CPED1: variants seen among roughly 807,000 people sequenced by gnomAD.
CPED1 encodes cadherin like and PC-esterase domain containing 1, also known as cadherin-like and PC-esterase domain-containing protein 1.
Under a neutral mutation model 128.2 loss-of-function variants are expected in CPED1, and 114 were observed. The observed-to-expected ratio is 0.89, with a 90% CI of 0.76 to 1.04. The LOEUF is 1.04. CPED1 is among the 50% of genes least tolerant of loss of function. The pLI is 0.00. For synonymous variants in CPED1, 462 were observed against 426.7 expected, an observed-to-expected ratio of 1.08 and a Z score of -1.02; for missense variants, 1,211 against 1,207.1, an observed-to-expected ratio of 1.00 and a Z score of -0.05.
At chr7:121,126,352 AG>A (rs758183678) in intron 9 of CPED1, among the ~76,000 whole-genome samples, 1 of 152,126 alleles carries the variant, frequency 6.6e-6, no homozygotes, top group Non-Finnish European at 1.5e-5. Flanking sequence ...AGATATGTGT[AG>A]AGTGAAGTGT....
intron 16 of CPED1, among the ~76,000 whole-genome samples, chr7:121,187,403 CAAA>C (rs1283071782): frequency 6.6e-6 from 1 of 151,940 alleles, no homozygotes; most frequent in East Asian, 1.9e-4. Context: ...AAAACAAAAA[CAAA>C]AACAAAACAG....
At chr7:121,040,041 G>T (rs1793009670) in intron 3 of CPED1, among the ~76,000 whole-genome samples, 1 of 152,022 alleles carries the variant, frequency 6.6e-6, no homozygotes, top group Non-Finnish European at 1.5e-5. Flanking sequence ...CTGATCCCTA[G>T]TATGGGTTTA....
At chr7:121,038,919 G>A (rs981425301) in intron 3 of CPED1, among the ~76,000 whole-genome samples, 4 of 152,034 alleles carry the variant, frequency 2.6e-5, no homozygotes, top group African/African-American at 9.7e-5. Flanking sequence ...TCAAGAGTTT[G>A]TACTACCCAC....
At chr7:121,071,677 G>A (rs1461587278) in intron 5 of CPED1, among the ~76,000 whole-genome samples, 1 of 151,930 alleles carries the variant, frequency 6.6e-6, no homozygotes, top group African/African-American at 2.4e-5. Flanking sequence ...CACCATGCCT[G>A]GCTCATCCAA....
intron 4 of CPED1, among the ~76,000 whole-genome samples, chr7:121,063,381 GAA>G (rs368502123): frequency 4.3e-4 from 29 of 67,040 alleles, no homozygotes; most frequent in African/African-American, 1.7e-3. Context: ...TGAAGAAACT[GAA>G]AAAAAAAAAA....
At chr7:121,123,772 G>A (rs906953507) in intron 7 of CPED1, among the ~76,000 whole-genome samples, 1 of 152,096 alleles carries the variant, frequency 6.6e-6, no homozygotes, top group African/African-American at 2.4e-5. Flanking sequence ...AGTCTTCTCT[G>A]GTTGGCTAGA....
chr7:121,253,993 TAGAC>T (rs1021147002), intron 18 of CPED1, among the ~76,000 whole-genome samples: 3 of 152,004 alleles, frequency 2.0e-5, no homozygotes, highest in African/African-American at 7.2e-5. Context: ...CTGACAGCAT[TAGAC>T]AGACCTTCAA....
At chr7:121,099,798 A>T in intron 6 of CPED1, 128 bp from the exon 7 acceptor site, 1 of 904,442 alleles carries the variant, frequency 1.1e-6, no homozygotes, top group Non-Finnish European at 1.6e-6. Flanking sequence ...TTGTTCAAGG[A>T]AACCCACACA....
At chr7:121,216,002 C>T (rs1235387328) in intron 16 of CPED1, among the ~76,000 whole-genome samples, 1 of 151,972 alleles carries the variant, frequency 6.6e-6, no homozygotes, top group Non-Finnish European at 1.5e-5. Flanking sequence ...AGAGACTAAG[C>T]AACTTGCCCA....
intron 7 of CPED1, among the ~76,000 whole-genome samples, chr7:121,111,747 T>C (rs957886825): frequency 6.6e-6 from 1 of 152,122 alleles, no homozygotes; most frequent in African/African-American, 2.4e-5. Context: ...TAGATCACCT[T>C]CTCCATATGA....
chr7:121,240,365 A>T (rs1798361921), intron 17 of CPED1, among the ~76,000 whole-genome samples: 1 of 152,174 alleles, frequency 6.6e-6, no homozygotes. Context: ...TGAGATTCTG[A>T]GATCTGATGA....
At chr7:121,086,392 A>G (rs1794427100) in intron 5 of CPED1, among the ~76,000 whole-genome samples, 1 of 152,234 alleles carries the variant, frequency 6.6e-6, no homozygotes, top group Non-Finnish European at 1.5e-5. Context: ...AAAGATTTTA[A>G]TAAGGTATTT....
chr7:121,203,924 A>G (rs1312109884), intron 16 of CPED1, among the ~76,000 whole-genome samples: 2 of 152,080 alleles, frequency 1.3e-5, no homozygotes, highest in Admixed American at 1.3e-4. Context: ...CTGTCCACGC[A>G]AAGGGCCAAG....
At position 121,296,869 on chromosome 7, in the gene CPED1, G is replaced by A. The variant is rs1051423228; in HGVS notation, c.*1217G>A. On this transcript the variant is annotated 3_prime_UTR_variant, in exon 23 of 23. Coordinates refer to ENST00000310396, the MANE Select transcript of CPED1 (RefSeq NM_024913.5). ...TTTGGGTGGGGTGGGAAGCTGAGAG[G>A]GTTAATTCAATACATGGCTGAAATT... 6.6e-6 allele frequency: 1 copy of A among 151,896 alleles called. No individual in the cohort carries two copies. The highest frequency in any genetic ancestry group is 2.4e-5 in the African/African-American group (1 of 41,280). The allele number at this position is 151,896 out of a possible 1,614,324, so 9.4% of individuals were successfully genotyped here.
intron 18 of CPED1, among the ~76,000 whole-genome samples, chr7:121,255,769 C>T (rs1379465598): frequency 6.6e-6 from 1 of 151,778 alleles, no homozygotes; most frequent in Non-Finnish European, 1.5e-5. Flanking sequence ...CCAATAATGT[C>T]CAGGCTGAGA....
chr7:121,098,390 A>G (rs1427603927), intron 6 of CPED1, among the ~76,000 whole-genome samples: 1 of 152,152 alleles, frequency 6.6e-6, no homozygotes, highest in Admixed American at 6.6e-5. Flanking sequence ...AACAGTTAAT[A>G]GTATTTATTG....
intron 16 of CPED1, among the ~76,000 whole-genome samples, chr7:121,170,265 G>T (rs1162325690): frequency 6.6e-6 from 1 of 152,266 alleles, no homozygotes; most frequent in East Asian, 1.9e-4. Flanking sequence ...GGACATACTG[G>T]AATTTGTGAC....
At chr7:121,200,872 A>G (rs138558039) in intron 16 of CPED1, among the ~76,000 whole-genome samples, 7 of 152,254 alleles carry the variant, frequency 4.6e-5, no homozygotes, top group Admixed American at 2.0e-4. Context: ...CAATAGTGTC[A>G]TTGTAGCAGC....
intron 5 of CPED1, among the ~76,000 whole-genome samples, chr7:121,070,639 T>C (rs751337550): frequency 1.3e-5 from 2 of 152,158 alleles, no homozygotes; most frequent in African/African-American, 4.8e-5. Flanking sequence ...TGGTAGAATT[T>C]CTGGAAGTGC....
Sources: gnomAD v4.1 joint callset for allele counts (sites outside exome capture counted in the v4.1 genomes callset) on GRCh38, gnomAD v4.1.1 for gene constraint, MANE v1.5 for transcripts, NCBI Gene and HGNC (gene_info 2026-07-23, HGNC 2026-07-21) for gene names.